AGFG1: variants seen among roughly 807,000 people sequenced by gnomAD.
AGFG1 encodes arf-GAP domain and FG repeat-containing protein 1.
A neutral mutation model predicts 60.6 loss-of-function variants in AGFG1; 10 were observed. The ratio of observed to expected loss-of-function variants is 0.16; its 90% CI spans 0.10 to 0.28. The LOEUF (loss-of-function observed/expected upper bound fraction) is 0.28. Ranked by LOEUF, AGFG1 falls within the 10% of genes least tolerant of loss-of-function variation. AGFG1 has a pLI of 1.00. For synonymous variants in AGFG1, 247 were observed against 242.9 expected (o/e 1.02, Z -0.16); for missense variants, 537 against 676.5 (o/e 0.79, Z 2.29).
intron 2 of AGFG1, among the ~76,000 whole-genome samples, chr2:227,504,638 A>G (rs1245476437): frequency 1.3e-5 from 2 of 152,234 alleles, no homozygotes; most frequent in Non-Finnish European, 2.9e-5. Flanking sequence ...GATGTATTTT[A>G]TCATTTGGTT....
chr2:227,503,239 TAAA>T (rs764673226), intron 2 of AGFG1, among the ~76,000 whole-genome samples: 9 of 133,604 alleles, frequency 6.7e-5, no homozygotes, highest in South Asian at 4.8e-4. Flanking sequence ...TTGTCTCAAT[TAAA>T]AAAAAAAAAA....
chr2:227,485,919 A>G (rs1419412319), intron 1 of AGFG1, among the ~76,000 whole-genome samples: 2 of 152,142 alleles, frequency 1.3e-5, no homozygotes, highest in Non-Finnish European at 2.9e-5. Context: ...TTACTGACTC[A>G]AGCTCATTGG....
intron 10 of AGFG1, among the ~76,000 whole-genome samples, chr2:227,547,327 T>G (rs529892989): frequency 6.6e-6 from 1 of 152,084 alleles, no homozygotes; most frequent in African/African-American, 2.4e-5. Context: ...TGCTGCTGAT[T>G]TGCTCTCCTT....
At position 227,528,501 on chromosome 2, in the gene AGFG1, T is replaced by C. The variant is rs1459134890; in HGVS notation, c.695-2590T>C. Among the ~76,000 whole-genome samples, 6 of 152,154 alleles carry C rather than the reference T, an allele frequency of 3.9e-5. No individual in the cohort carries two copies. In the East Asian group the frequency reaches 1.2e-3, roughly 29 times the overall value. On this transcript the variant is annotated intron_variant, in intron 5 of 12. Coordinates refer to ENST00000310078, the MANE Select transcript of AGFG1 (RefSeq NM_004504.5). ...TCTTTTTTCACCTCTTGCGTTTGAG[T>C]GCTGGTAAAAAGAGTTGGTGGGAGA...
chr2:227,482,350 A>G (rs1382451307), intron 1 of AGFG1, among the ~76,000 whole-genome samples: 1 of 152,192 alleles, frequency 6.6e-6, no homozygotes. Context: ...AGCTAAATAT[A>G]TTCAGTTTTT....
intron 1 of AGFG1, among the ~76,000 whole-genome samples, chr2:227,487,302 T>C (rs1690671442): frequency 6.6e-6 from 1 of 152,062 alleles, no homozygotes; most frequent in South Asian, 2.1e-4. Context: ...TTGGAGAGAA[T>C]AGAAAATTAT....
intron 10 of AGFG1, among the ~76,000 whole-genome samples, chr2:227,548,648 G>T (rs1248853091): frequency 2.0e-5 from 3 of 152,178 alleles, no homozygotes; most frequent in Non-Finnish European, 2.9e-5. Context: ...TTAAGATAAA[G>T]TAGATAAGGC....
intron 1 of AGFG1, among the ~76,000 whole-genome samples, chr2:227,473,077 G>C (rs1422813194): frequency 1.3e-5 from 2 of 148,716 alleles, no homozygotes; most frequent in Non-Finnish European, 3.0e-5. Flanking sequence ...GGGCGCTCCT[G>C]CTGGGGGTCG....
chr2:227,486,974 C>T (rs1690659066), intron 1 of AGFG1, among the ~76,000 whole-genome samples: 1 of 152,100 alleles, frequency 6.6e-6, no homozygotes, highest in African/African-American at 2.4e-5. Flanking sequence ...AATTATCCAA[C>T]CCAAAATGTC....
intron 3 of AGFG1, among the ~76,000 whole-genome samples, chr2:227,522,295 C>G (rs1292471041): frequency 1.3e-5 from 2 of 152,294 alleles, no homozygotes; most frequent in Non-Finnish European, 2.9e-5. Context: ...CCAGGTGAGT[C>G]TTTTGAACCA....
intron 11 of AGFG1, among the ~76,000 whole-genome samples, chr2:227,552,336 CTA>C (rs1437539347): frequency 6.6e-6 from 1 of 152,152 alleles, no homozygotes; most frequent in Non-Finnish European, 1.5e-5. Context: ...AAATCAGTGA[CTA>C]TGTAAAGAGC....
At chr2:227,550,971 C>A (rs1296196054) in intron 10 of AGFG1, among the ~76,000 whole-genome samples, 2 of 152,072 alleles carry the variant, frequency 1.3e-5, no homozygotes, top group Non-Finnish European at 2.9e-5. Flanking sequence ...TCCTAAAACA[C>A]ATAGTTGGAG....
At position 227,555,115 on chromosome 2, in the gene AGFG1, A is replaced by G. The variant is rs1692934497; in HGVS notation, c.*620A>G. ...TTGCAGGTGAAAAAAAATAAATATT[A>G]TAAAATATGCTATTGTTTTTGTGTT... On this transcript the variant is annotated 3_prime_UTR_variant, in exon 13 of 13. Transcript: ENST00000310078. The G allele has an allele frequency of 1.3e-5, 2 of 152,626 alleles. No homozygotes were observed. The highest frequency in any genetic ancestry group is 4.8e-5 in the African/African-American group (2 of 41,462). 9.5% of individuals were successfully genotyped at this position (152,626 alleles called of 1,614,324 possible). A position where few individuals can be genotyped will look rare whatever the true frequency, so the allele number is the denominator to read the frequency against.
At chr2:227,485,855 A>G (rs1323066198) in intron 1 of AGFG1, among the ~76,000 whole-genome samples, 1 of 152,144 alleles carries the variant, frequency 6.6e-6, no homozygotes, top group Non-Finnish European at 1.5e-5. Flanking sequence ...TATATTTCGT[A>G]ACTGGTAATT....
At chr2:227,545,712 G>T (rs748194082) in intron 10 of AGFG1, among the ~76,000 whole-genome samples, 3 of 152,170 alleles carry the variant, frequency 2.0e-5, no homozygotes, top group Non-Finnish European at 4.4e-5. Context: ...CCTTCAAACA[G>T]TCAGGACCCT....
At chr2:227,548,462 C>G (rs1004262803) in intron 10 of AGFG1, among the ~76,000 whole-genome samples, 3 of 152,190 alleles carry the variant, frequency 2.0e-5, no homozygotes, top group African/African-American at 7.2e-5. Flanking sequence ...TTAACAGTCA[C>G]TGTTGGCTAA....
chr2:227,507,234 G>A (rs1213502742), intron 2 of AGFG1, among the ~76,000 whole-genome samples: 1 of 151,932 alleles, frequency 6.6e-6, no homozygotes, highest in Non-Finnish European at 1.5e-5. Flanking sequence ...GTTTTCATGG[G>A]TATACAGAGT....
intron 10 of AGFG1, among the ~76,000 whole-genome samples, chr2:227,544,672 G>GC (rs1553551067): frequency 2.0e-5 from 3 of 152,114 alleles, no homozygotes; most frequent in Non-Finnish European, 4.4e-5. Context: ...GAATCTCTCA[G>GC]CATTTGCTTG....
intron 1 of AGFG1, among the ~76,000 whole-genome samples, chr2:227,482,903 T>A (rs1409068864): frequency 6.6e-6 from 1 of 151,918 alleles, no homozygotes; most frequent in Non-Finnish European, 1.5e-5. Context: ...GCTGCACCAG[T>A]AGGCTACTTT....
Sources: allele counts gnomAD v4.1 joint callset (sites outside exome capture counted in the v4.1 genomes callset), GRCh38; gene constraint gnomAD v4.1.1; transcripts MANE v1.5; gene names NCBI Gene and HGNC (gene_info 2026-07-23, HGNC 2026-07-21).